NOX4: variants seen among roughly 807,000 people sequenced by gnomAD.
NOX4 encodes kidney oxidase-1.
In NOX4, 69 loss-of-function variants were observed where a neutral mutation model predicts 87.6. That is an observed-to-expected ratio of 0.79 (90% CI 0.65 to 0.96). NOX4 has a LOEUF of 0.96. Ranked by LOEUF, NOX4 falls within the 40% of genes least tolerant of loss-of-function variation. NOX4 has a pLI of 0.00. For missense variants in NOX4, 680 were observed against 681.5 expected, an observed-to-expected ratio of 1.00 and a Z score of 0.02; for synonymous variants, 275 against 238.2, an observed-to-expected ratio of 1.15 and a Z score of -1.42.
chr11:89,411,096 A>G (rs4483590), intron 8 of NOX4, among the ~76,000 whole-genome samples: 63,595 of 151,956 alleles, frequency 0.42, 13,726 homozygotes, highest in East Asian at 0.56. Flanking sequence ...ACTAACTGTC[A>G]AATGACATTT....
chr11:89,557,251 G>C, the NOX4 span: 1 of 152,094 alleles, frequency 6.6e-6, no homozygotes, highest in African/African-American at 2.4e-5. Flanking sequence ...TGAGTTTTTG[G>C]GTGGTGAATG....
chr11:89,397,819 A>G (rs1941589244), intron 11 of NOX4, among the ~76,000 whole-genome samples: 1 of 152,138 alleles, frequency 6.6e-6, no homozygotes, highest in Non-Finnish European at 1.5e-5. Context: ...TGAGGCAGTA[A>G]TTAACAGCTT....
At chr11:89,579,391 T>A in the NOX4 span, among the ~76,000 whole-genome samples, 3 of 152,062 alleles carry the variant, frequency 2.0e-5, no homozygotes, top group African/African-American at 7.2e-5. Flanking sequence ...TTGGGGAGGT[T>A]ATGCATGTGT....
chr11:89,510,777 T>C, the NOX4 span, among the ~76,000 whole-genome samples: 1 of 152,076 alleles, frequency 6.6e-6, no homozygotes, highest in Non-Finnish European at 1.5e-5. Flanking sequence ...CCTATGCATA[T>C]TACTTGAGAA....
chr11:89,481,086 A>G (rs2135470630), intron 2 of NOX4, among the ~76,000 whole-genome samples: 1 of 152,170 alleles, frequency 6.6e-6, no homozygotes, highest in Non-Finnish European at 1.5e-5. Context: ...GAGCAAACAT[A>G]CAACCTCATC....
intron 11 of NOX4, among the ~76,000 whole-genome samples, chr11:89,380,930 G>A (rs1267238303): frequency 5.9e-5 from 9 of 152,278 alleles, no homozygotes; most frequent in African/African-American, 1.9e-4. Context: ...GATTTAAATA[G>A]TTGAGAGCAA....
At chr11:89,564,138 T>A in the NOX4 span, among the ~76,000 whole-genome samples, 2 of 152,312 alleles carry the variant, frequency 1.3e-5, no homozygotes, top group Admixed American at 1.3e-4. Flanking sequence ...ATGCACCGCA[T>A]GTTTCCTTAA....
intron 11 of NOX4, among the ~76,000 whole-genome samples, chr11:89,380,270 T>A (rs1940180087): frequency 6.6e-6 from 1 of 152,048 alleles, no homozygotes; most frequent in Non-Finnish European, 1.5e-5. Context: ...CCAGAAAATG[T>A]GGAGAAAAAC....
chr11:89,579,325 C>G, the NOX4 span, among the ~76,000 whole-genome samples: 2 of 152,052 alleles, frequency 1.3e-5, no homozygotes. Flanking sequence ...AATGGTGTGT[C>G]TGTGTATGTT....
At chr11:89,393,949 G>A (rs2135148400) in intron 11 of NOX4, among the ~76,000 whole-genome samples, 1 of 152,150 alleles carries the variant, frequency 6.6e-6, no homozygotes, top group Non-Finnish European at 1.5e-5. Flanking sequence ...CTTTTCTTCT[G>A]TCTGTACCTA....
the NOX4 span, among the ~76,000 whole-genome samples, chr11:89,512,105 C>T: frequency 1.3e-5 from 2 of 151,938 alleles, no homozygotes; most frequent in Admixed American, 1.3e-4. Context: ...GAAGCCAATA[C>T]ATTAATCTTT....
chr11:89,572,384 C>T, the NOX4 span, among the ~76,000 whole-genome samples: 1 of 152,186 alleles, frequency 6.6e-6, no homozygotes, highest in African/African-American at 2.4e-5. Flanking sequence ...TCTAGCTCAA[C>T]TAAATTGTGG....
chr11:89,336,455 A>G (rs1162777251), intron 16 of NOX4, among the ~76,000 whole-genome samples: 1 of 152,000 alleles, frequency 6.6e-6, no homozygotes, highest in Non-Finnish European at 1.5e-5. Flanking sequence ...ACAAATTGTC[A>G]TCGTAAATTT....
At position 89,434,044 on chromosome 11, in the gene NOX4, C is replaced by A. The variant is rs557960310; in HGVS notation, c.476-1188G>T. ...AGACTACAAAGAAAAGCTATTGGGA[C>A]AATTCCATCTGGAAAAGTGACATTC... On this transcript the variant is annotated intron_variant, in intron 6 of 17. Transcript: ENST00000263317. Among the ~76,000 whole-genome samples, 11 of 152,126 alleles carry A rather than the reference C, an allele frequency of 7.2e-5. No homozygotes were observed. The South Asian group carries it at 2.3e-3, about 32-fold the overall frequency.
intron 11 of NOX4, among the ~76,000 whole-genome samples, chr11:89,395,857 G>T (rs967478659): frequency 6.6e-6 from 1 of 152,028 alleles, no homozygotes; most frequent in Non-Finnish European, 1.5e-5. Context: ...TGTTCCATTG[G>T]TCTATATCTC....
intron 8 of NOX4, among the ~76,000 whole-genome samples, chr11:89,403,758 A>G (rs1171880060): frequency 6.6e-6 from 1 of 152,128 alleles, no homozygotes; most frequent in Non-Finnish European, 1.5e-5. Context: ...ATAAATAAAT[A>G]ACAGCTATGA....
chr11:89,398,311 G>A (rs1249882387), intron 11 of NOX4, among the ~76,000 whole-genome samples: 4 of 152,032 alleles, frequency 2.6e-5, no homozygotes, highest in African/African-American at 9.6e-5. Context: ...TTGATGGAAC[G>A]TATCTCAAAA....
chr11:89,387,940 G>A (rs1940830249), intron 11 of NOX4, among the ~76,000 whole-genome samples: 1 of 152,104 alleles, frequency 6.6e-6, no homozygotes, highest in African/African-American at 2.4e-5. Flanking sequence ...TTCTACACAG[G>A]TTTTAAATCA....
chr11:89,339,284 G>A (rs12798673), intron 15 of NOX4, among the ~76,000 whole-genome samples: 4 of 152,256 alleles, frequency 2.6e-5, no homozygotes, highest in South Asian at 2.1e-4. Context: ...GGGAAAAACA[G>A]TGAAGTAGTT....
Sources: gnomAD v4.1 joint callset for allele counts (sites outside exome capture counted in the v4.1 genomes callset) on GRCh38, gnomAD v4.1.1 for gene constraint, MANE v1.5 for transcripts, NCBI Gene and HGNC (gene_info 2026-07-23, HGNC 2026-07-21) for gene names.